Variants in TTC28 observed in about 807,000 individuals in gnomAD.
TTC28 encodes tetratricopeptide repeat domain 28.
In TTC28, 61 loss-of-function variants were observed where a neutral mutation model predicts 198.0. That is an observed-to-expected ratio of 0.31 (90% CI 0.25 to 0.38). TTC28 has a LOEUF of 0.38. Ranked by LOEUF, TTC28 falls within the 10% of genes least tolerant of loss-of-function variation. The pLI is 1.00. For synonymous variants in TTC28, 1,171 were observed against 1,297.8 expected, an observed-to-expected ratio of 0.90 and a Z score of 2.10; for missense variants, 2,678 against 3,164.0, an observed-to-expected ratio of 0.85 and a Z score of 3.69.
rs34510876 is a variant in TTC28 at position 28,648,221 on chromosome 22, C to CAA, written c.103-18393_103-18392dup. Among the ~76,000 whole-genome samples, 232 of 62,310 alleles carry CAA rather than the reference C, an allele frequency of 3.7e-3. 4 individuals are homozygous for CAA. The highest frequency in any genetic ancestry group is 0.017 in the Middle Eastern group (2 of 120). The allele number at this position is 62,310 out of a possible 152,430, so 40.9% of individuals were successfully genotyped here. On this transcript the variant is annotated intron_variant, in intron 1 of 22. Coordinates refer to ENST00000397906, the MANE Select transcript of TTC28 (RefSeq NM_001145418.2). Reference sequence around the variant, plus strand: ...CCTGGGCGACCAAACGAGACTCTGTCAAAAAAAAAAAAAAAAAAAAATGCT... The same window carrying CAA: ...CCTGGGCGACCAAACGAGACTCTGTCAAAAAAAAAAAAAAAAAAAAAAATGCT...
At chr22:28,649,653 T>C (rs2051534946) in intron 1 of TTC28, among the ~76,000 whole-genome samples, 1 of 152,216 alleles carries the variant, frequency 6.6e-6, no homozygotes, top group Admixed American at 6.5e-5. Flanking sequence ...CTTGAGATGG[T>C]TACAAGTAAG....
Position 27,983,088 on chromosome 22 carries a change from A to G in TTC28, c.6579T>C (p.Pro2193=). Residue 2193 remains proline, a synonymous_variant, in exon 23 of 23, where the codon CCT becomes CCC. Transcript: ENST00000397906. ...SGGQVSKSNN[P]EDGVQAPSST... ...TGCTGGGCGCCTGAACGCCGTCTTC[A>G]GGGTTATTACTCTTGCTCACCTGGC... is the stretch of plus-strand genomic sequence containing the variant. 6.4e-7 allele frequency: 1 copy of G among 1,551,700 alleles called. No homozygotes were observed. Among genetic ancestry groups the G allele is most frequent in the Non-Finnish European group, 8.7e-7 (1 of 1,146,998 alleles).
chr22:28,586,031 A>G (rs561280034), intron 2 of TTC28, among the ~76,000 whole-genome samples: 1 of 152,110 alleles, frequency 6.6e-6, no homozygotes, highest in African/African-American at 2.4e-5. Context: ...CTGTAATCCC[A>G]GCACTTTGGG....
intron 5 of TTC28, among the ~76,000 whole-genome samples, chr22:28,288,745 G>A (rs1212599909): frequency 1.3e-5 from 2 of 150,840 alleles, no homozygotes; most frequent in East Asian, 1.9e-4. Context: ...CCCAGAAGGC[G>A]GAGCTTGCAG....
At chr22:28,243,272 G>A (rs931955388) in intron 5 of TTC28, among the ~76,000 whole-genome samples, 1 of 148,288 alleles carries the variant, frequency 6.7e-6, no homozygotes, top group Admixed American at 6.8e-5. Flanking sequence ...CAGGAGGATC[G>A]CTTGAGCCTA....
intron 12 of TTC28, among the ~76,000 whole-genome samples, chr22:28,039,305 T>C (rs1939508476): frequency 6.6e-6 from 1 of 151,894 alleles, no homozygotes; most frequent in Non-Finnish European, 1.5e-5. Flanking sequence ...ATTAAGAAAA[T>C]GTGGCACATA....
At chr22:28,519,173 C>T (rs182399051) in intron 2 of TTC28, among the ~76,000 whole-genome samples, 25 of 152,236 alleles carry the variant, frequency 1.6e-4, no homozygotes, top group Admixed American at 1.6e-3. Context: ...AAGAAGATGA[C>T]TGAAAATTTT....
intron 5 of TTC28, among the ~76,000 whole-genome samples, chr22:28,289,206 C>T (rs926922144): frequency 1.3e-5 from 2 of 152,046 alleles, no homozygotes; most frequent in African/African-American, 4.8e-5. Flanking sequence ...GAAATAGGCA[C>T]AGATTGAGGG....
At chr22:28,545,568 G>A (rs1055876385) in intron 2 of TTC28, among the ~76,000 whole-genome samples, 2 of 152,024 alleles carry the variant, frequency 1.3e-5, no homozygotes, top group Non-Finnish European at 2.9e-5. Context: ...GACAAAGGAA[G>A]ACTGTGTCTC....
At chr22:27,985,936 T>A (rs187399968) in intron 21 of TTC28, 7 of 154,512 alleles carry the variant, frequency 4.5e-5, no homozygotes, top group African/African-American at 1.7e-4. Context: ...AGGATTCTAA[T>A]GAGACTCAGA....
intron 2 of TTC28, among the ~76,000 whole-genome samples, chr22:28,564,339 A>C (rs2049937733): frequency 6.6e-6 from 1 of 152,194 alleles, no homozygotes; most frequent in Non-Finnish European, 1.5e-5. Context: ...TTTTAAACTT[A>C]AGGTTGAAAT....
intron 2 of TTC28, among the ~76,000 whole-genome samples, chr22:28,528,245 CT>C (rs1186707725): frequency 6.6e-6 from 1 of 152,128 alleles, no homozygotes; most frequent in Non-Finnish European, 1.5e-5. Context: ...TTAAAACACT[CT>C]TATGGAGTTT....
At chr22:28,288,192 T>G (rs914524690) in intron 5 of TTC28, among the ~76,000 whole-genome samples, 9 of 152,170 alleles carry the variant, frequency 5.9e-5, no homozygotes, top group African/African-American at 2.2e-4. Flanking sequence ...GCAAAACAGA[T>G]ACTATTAGAA....
At chr22:28,298,834 A>C (rs1191497020) in intron 3 of TTC28, among the ~76,000 whole-genome samples, 1 of 152,112 alleles carries the variant, frequency 6.6e-6, no homozygotes, top group Non-Finnish European at 1.5e-5. Flanking sequence ...CTCCCAACAA[A>C]ACCCTTGTCA....
intron 6 of TTC28, among the ~76,000 whole-genome samples, chr22:28,141,723 T>C (rs551665557): frequency 1.3e-5 from 2 of 152,318 alleles, no homozygotes; most frequent in African/African-American, 4.8e-5. Context: ...GACATAAGAA[T>C]ACACAGGACT....
At chr22:28,044,365 T>C (rs1019421454) in intron 12 of TTC28, among the ~76,000 whole-genome samples, 2 of 152,168 alleles carry the variant, frequency 1.3e-5, no homozygotes, top group African/African-American at 4.8e-5. Context: ...AACACACCTA[T>C]GAACAATCAA....
Position 27,983,743 on chromosome 22 carries a change from G to T in TTC28, c.5924C>A (p.Pro1975His), listed in dbSNP as rs1371130799. The T allele has an allele frequency of 1.3e-6, 2 of 1,551,548 alleles. No individual in the cohort carries two copies. Among genetic ancestry groups the T allele is most frequent in the Admixed American group, 2.0e-5 (1 of 50,978 alleles). ...GTCCGCACCGGTGGGAGAGAAGGGG[G>T]GTTGCTGGTAACCCAAGGGCAGGGC... The part of the protein sequence containing the change: ...SNALPLGYQQ[P>H]PFSPTGADSI... The change falls in exon 23 of 23, where the codon CCC (proline) becomes CAC (histidine). Residue 1975 changes from proline (P) to histidine (H), a missense_variant. By Grantham distance (77) the Pro-to-His change is moderately conservative. Around this residue, in one of 8 missense-constraint regions of TTC28, gnomAD observed 622 missense variants for 656.0 expected, o/e 0.95. Transcript: ENST00000397906.
Position 28,679,775 on chromosome 22 carries a change from G to A in TTC28, c.-52C>T, listed in dbSNP as rs997892930. 8 of 1,027,172 alleles carry A rather than the reference G, an allele frequency of 7.8e-6. No homozygotes were observed. The highest frequency in any genetic ancestry group is 4.7e-5 in the Admixed American group (1 of 21,398). 63.6% of individuals were successfully genotyped at this position (1,027,172 alleles called of 1,614,324 possible). On this transcript the variant is annotated 5_prime_UTR_variant, in exon 1 of 23. Transcript: ENST00000397906. ...CTCGAGCTAACGGTCCCGCCAGCTA[G>A]GCGCGCGCGCCGGTTCCGCGCGCCA...
chr22:28,378,980 A>T (rs2046455283), intron 2 of TTC28, among the ~76,000 whole-genome samples: 1 of 152,158 alleles, frequency 6.6e-6, no homozygotes, highest in Non-Finnish European at 1.5e-5. Flanking sequence ...TCAATTTTTT[A>T]AATACATTAA....
Sources: allele counts gnomAD v4.1 joint callset (sites outside exome capture counted in the v4.1 genomes callset), GRCh38; gene constraint gnomAD v4.1.1; regional missense constraint gnomAD v4.1.1; transcripts MANE v1.5; gene names NCBI Gene and HGNC (gene_info 2026-07-23, HGNC 2026-07-21).